The following NLGN1 variants were observed in gnomAD, a reference collection of about 807,000 sequenced individuals.
NLGN1 encodes neuroligin 1.
A neutral mutation model predicts 65.5 loss-of-function variants in NLGN1; 12 were observed. That is an observed-to-expected ratio of 0.18 (90% confidence interval 0.12 to 0.30). The LOEUF (loss-of-function observed/expected upper bound fraction) is 0.30. Ranked by LOEUF, NLGN1 falls within the 10% of genes least tolerant of loss-of-function variation. The pLI, the probability that NLGN1 is intolerant of heterozygous loss-of-function variation, is 1.00. For missense variants in NLGN1, 750 were observed against 1,007.1 expected (o/e 0.74, Z 3.46); for synonymous variants, 350 against 359.5 (o/e 0.97, Z 0.30).
chr3:173,673,319 C>T (rs914487112), intron 3 of NLGN1, among the ~76,000 whole-genome samples: 2 of 152,080 alleles, frequency 1.3e-5, no homozygotes, highest in Admixed American at 6.6e-5. Flanking sequence ...TAATATGTAA[C>T]GATATGGTTA....
intron 3 of NLGN1, among the ~76,000 whole-genome samples, chr3:173,659,056 C>T (rs1760511720): frequency 6.6e-6 from 1 of 152,006 alleles, no homozygotes; most frequent in Non-Finnish European, 1.5e-5. Flanking sequence ...TGAAGCCTTG[C>T]ATTATCTCAT....
intron 4 of NLGN1, among the ~76,000 whole-genome samples, chr3:174,230,183 G>A (rs776898268): frequency 6.6e-6 from 1 of 152,148 alleles, no homozygotes; most frequent in Non-Finnish European, 1.5e-5. Flanking sequence ...CCTGACCCGG[G>A]AGAGGAATTA....
intron 4 of NLGN1, among the ~76,000 whole-genome samples, chr3:173,923,611 A>G (rs1250925603): frequency 6.6e-6 from 1 of 152,196 alleles, no homozygotes; most frequent in East Asian, 1.9e-4. Flanking sequence ...TACCTGAATG[A>G]TGTATGACAT....
chr3:173,670,183 C>T (rs1762268144), intron 3 of NLGN1, among the ~76,000 whole-genome samples: 1 of 152,056 alleles, frequency 6.6e-6, no homozygotes, highest in Admixed American at 6.6e-5. Context: ...ACATAGGTGC[C>T]TGGTGCCTTG....
chr3:173,879,996 A>G (rs1732910617), intron 4 of NLGN1, among the ~76,000 whole-genome samples: 1 of 152,206 alleles, frequency 6.6e-6, no homozygotes, highest in African/African-American at 2.4e-5. Context: ...AACTTTGTTT[A>G]AATTTTATTT....
intron 1 of NLGN1, among the ~76,000 whole-genome samples, chr3:173,409,461 C>T (rs1011538448): frequency 6.6e-5 from 10 of 152,068 alleles, no homozygotes; most frequent in African/African-American, 1.9e-4. Context: ...CCCTAGAAAA[C>T]GTGTCACTGG....
intron 4 of NLGN1, among the ~76,000 whole-genome samples, chr3:173,872,060 T>C (rs1357098422): frequency 3.3e-5 from 5 of 150,630 alleles, no homozygotes; most frequent in Non-Finnish European, 5.9e-5. Flanking sequence ...CTAGCTGCAG[T>C]GAAGGTGGGT....
At chr3:173,922,183 AT>A (rs1343438451) in intron 4 of NLGN1, among the ~76,000 whole-genome samples, 1 of 152,090 alleles carries the variant, frequency 6.6e-6, no homozygotes, top group Non-Finnish European at 1.5e-5. Flanking sequence ...ATGACTTGGA[AT>A]TTTAAAATTT....
intron 4 of NLGN1, among the ~76,000 whole-genome samples, chr3:174,245,598 T>C (rs1218449593): frequency 6.6e-6 from 1 of 152,112 alleles, no homozygotes; most frequent in Non-Finnish European, 1.5e-5. Context: ...AGTAACCAAA[T>C]AGATACATGT....
chr3:173,467,225 A>G (rs1489184759), intron 2 of NLGN1, among the ~76,000 whole-genome samples: 2 of 152,036 alleles, frequency 1.3e-5, no homozygotes, highest in Non-Finnish European at 2.9e-5. Context: ...CTGTAAATGT[A>G]TGTTTTTTAA....
intron 2 of NLGN1, among the ~76,000 whole-genome samples, chr3:173,599,229 A>G (rs1221693317): frequency 6.6e-6 from 1 of 152,182 alleles, no homozygotes; most frequent in Non-Finnish European, 1.5e-5. Flanking sequence ...CACATTAGTT[A>G]CTTTAAGTAT....
At chr3:173,738,090 A>AT (rs942581294) in intron 3 of NLGN1, among the ~76,000 whole-genome samples, 7 of 151,724 alleles carry the variant, frequency 4.6e-5, no homozygotes, top group Admixed American at 2.6e-4. Context: ...CCCATTTAAA[A>AT]TTTTTTTTTA....
At chr3:174,179,945 GC>G (rs1730088746) in intron 4 of NLGN1, among the ~76,000 whole-genome samples, 1 of 152,074 alleles carries the variant, frequency 6.6e-6, no homozygotes, top group African/African-American at 2.4e-5. Context: ...CGTTAATGGT[GC>G]CCCGGATTTC....
intron 2 of NLGN1, among the ~76,000 whole-genome samples, chr3:173,464,765 T>C (rs1361408142): frequency 6.6e-6 from 1 of 152,108 alleles, no homozygotes; most frequent in Admixed American, 6.6e-5. Flanking sequence ...ATGCAAGGAG[T>C]TAATGAACAA....
chr3:173,584,399 A>ATTTTTTTTTTTT lies in NLGN1; in HGVS notation c.-320-19858_-320-19847dup, dbSNP rs66827074. Among the ~76,000 whole-genome samples the ATTTTTTTTTTTT allele has an allele frequency of 4.2e-4, 13 of 30,820 alleles. 4 individuals carry two copies. The East Asian group carries it at 9.6e-3, about 23-fold the overall frequency. The allele number at this position is 30,820 out of a possible 152,430, so 20.2% of individuals were successfully genotyped here. On this transcript the variant is annotated intron_variant, in intron 2 of 6. Coordinates refer to ENST00000457714, the Ensembl canonical transcript of NLGN1. ...TTAGGGTAAAACCAGGGTCCTCGGC[A>ATTTTTTTTTTTT]TTTTTTTTTTTTTTTTTTTTTTTTT...
At chr3:173,407,446 A>G (rs986236370) in intron 1 of NLGN1, among the ~76,000 whole-genome samples, 1 of 152,230 alleles carries the variant, frequency 6.6e-6, no homozygotes, top group African/African-American at 2.4e-5. Flanking sequence ...GCCTTCATGC[A>G]TTAGTTTTAT....
chr3:173,886,980 A>AATATCTCTAC (rs1446652610), intron 4 of NLGN1, among the ~76,000 whole-genome samples: 1 of 152,068 alleles, frequency 6.6e-6, no homozygotes, highest in Admixed American at 6.6e-5. Flanking sequence ...TCAGAGACAA[A>AATATCTCTAC]ATATCTCTAC....
intron 3 of NLGN1, among the ~76,000 whole-genome samples, chr3:173,738,117 T>C (rs1310902959): frequency 6.6e-6 from 1 of 152,004 alleles, no homozygotes; most frequent in African/African-American, 2.4e-5. Flanking sequence ...TATTATTGAA[T>C]TGTAAGAAAA....
chr3:173,756,451 A>AG (rs1777135301), intron 3 of NLGN1, among the ~76,000 whole-genome samples: 2 of 151,994 alleles, frequency 1.3e-5, no homozygotes, highest in South Asian at 4.1e-4. Flanking sequence ...AAACCTTTTC[A>AG]GGGTAGAGAG....
Sources: gnomAD v4.1 joint callset for allele counts (sites outside exome capture counted in the v4.1 genomes callset) on GRCh38, gnomAD v4.1.1 for gene constraint, MANE v1.5 for transcripts, NCBI Gene and HGNC (gene_info 2026-07-23, HGNC 2026-07-21) for gene names.